The following TNNI3K variants were observed in gnomAD, a reference collection of about 807,000 sequenced individuals.
TNNI3K encodes the protein serine/threonine-protein kinase TNNI3K.
Under a neutral mutation model 114.5 loss-of-function variants are expected in TNNI3K, and 140 were observed. That is an observed-to-expected ratio of 1.22 (90% CI 1.07 to 1.41). The LOEUF (loss-of-function observed/expected upper bound fraction) is 1.41, where lower values mean the gene tolerates loss of function less well. Ranked by LOEUF, TNNI3K falls within the 40% of genes most tolerant of loss-of-function variation. The pLI is 0.00. For missense variants in TNNI3K, 1,125 were observed against 1,007.6 expected (o/e 1.12, Z -1.58); for synonymous variants, 347 against 347.5 (o/e 1.00, Z 0.02).
At chr1:74,414,715 A>G (rs536721534) in intron 17 of TNNI3K, among the ~76,000 whole-genome samples, 45 of 152,330 alleles carry the variant, frequency 3.0e-4, no homozygotes, top group African/African-American at 1.1e-3. Context: ...ACATCTAACC[A>G]TTCAGGAAAT....
chr1:74,400,439 T>A (rs1309220887), intron 17 of TNNI3K, among the ~76,000 whole-genome samples: 1 of 152,226 alleles, frequency 6.6e-6, no homozygotes, highest in Non-Finnish European at 1.5e-5. Flanking sequence ...TACTAGCTCT[T>A]AATGAGAGCA....
intron 10 of TNNI3K, 65 bp from the exon 11 acceptor site, chr1:74,353,915 T>G (rs1463839433): frequency 1.3e-6 from 2 of 1,547,788 alleles, no homozygotes; most frequent in Middle Eastern, 1.7e-4. Context: ...ATGACTGTCT[T>G]TTGAAAATTG....
At chr1:74,426,034 G>T (rs1179608357) in intron 17 of TNNI3K, among the ~76,000 whole-genome samples, 2 of 151,986 alleles carry the variant, frequency 1.3e-5, no homozygotes, top group African/African-American at 4.8e-5. Context: ...CATTTCTTGT[G>T]AATTTTCAAA....
At chr1:74,418,280 G>A in intron 17 of TNNI3K, 1 of 393,954 alleles carries the variant, frequency 2.5e-6, no homozygotes. Flanking sequence ...AGTTCCTAAC[G>A]AATGAAGTCA....
At chr1:74,257,514 G>A (rs1285272986) in intron 4 of TNNI3K, among the ~76,000 whole-genome samples, 1 of 152,054 alleles carries the variant, frequency 6.6e-6, no homozygotes, top group South Asian at 2.1e-4. Context: ...TTCCTTTAAA[G>A]AATGTTGAGT....
intron 5 of TNNI3K, among the ~76,000 whole-genome samples, chr1:74,324,405 C>G (rs547662034): frequency 2.0e-5 from 3 of 152,214 alleles, no homozygotes; most frequent in Non-Finnish European, 2.9e-5. Flanking sequence ...TAGTCATGAT[C>G]CTTTTTACAA....
intron 4 of TNNI3K, among the ~76,000 whole-genome samples, chr1:74,261,010 G>A (rs1655629425): frequency 1.3e-5 from 2 of 151,960 alleles, no homozygotes; most frequent in South Asian, 4.1e-4. Flanking sequence ...ATTTTGACAA[G>A]TTTATTACAA....
chr1:74,272,863 G>A (rs1459053038), intron 5 of TNNI3K, among the ~76,000 whole-genome samples: 1 of 151,778 alleles, frequency 6.6e-6, no homozygotes, highest in Non-Finnish European at 1.5e-5. Context: ...AAGCTATTGA[G>A]GAAAAGAGCC....
At chr1:74,491,977 G>A in intron 22 of TNNI3K, 120 bp from the exon 23 acceptor site, 1 of 1,344,238 alleles carries the variant, frequency 7.4e-7, no homozygotes, top group Non-Finnish European at 9.8e-7. Context: ...GGAGCAAGCT[G>A]AGTGAATAGA....
chr1:74,318,107 C>G (rs1659418133), intron 5 of TNNI3K, among the ~76,000 whole-genome samples: 1 of 152,182 alleles, frequency 6.6e-6, no homozygotes, highest in South Asian at 2.1e-4. Flanking sequence ...TTGTAGGGCT[C>G]ATCGAATTTG....
chr1:74,463,664 A>T, intron 21 of TNNI3K, 114 bp downstream of exon 21: 1 of 1,182,034 alleles, frequency 8.5e-7, no homozygotes, highest in South Asian at 1.4e-5. Flanking sequence ...AGGCGGGAAG[A>T]CTGATTTGCC....
At chr1:74,257,823 A>T (rs1029679387) in intron 4 of TNNI3K, among the ~76,000 whole-genome samples, 4 of 151,448 alleles carry the variant, frequency 2.6e-5, no homozygotes, top group Admixed American at 6.6e-5. Flanking sequence ...GCCCGCCACC[A>T]CGCCCGGCTA....
intron 17 of TNNI3K, among the ~76,000 whole-genome samples, chr1:74,378,344 G>A (rs1020576194): frequency 2.6e-5 from 4 of 151,524 alleles, no homozygotes; most frequent in East Asian, 3.9e-4. Flanking sequence ...CTGCTGTAAC[G>A]ATAGAGTCCA....
At chr1:74,493,770 G>A (rs765356837) in intron 23 of TNNI3K, among the ~76,000 whole-genome samples, 18 of 152,264 alleles carry the variant, frequency 1.2e-4, no homozygotes, top group Middle Eastern at 3.4e-3. Context: ...ACAGACAAAG[G>A]CTAGTAACTC....
In TNNI3K at chr1:74,316,713, G is replaced by A. The variant is rs539650317; in HGVS notation, c.445-14737G>A. Among the ~76,000 whole-genome samples, 12 of 150,238 alleles carry A rather than the reference G, an allele frequency of 8.0e-5. No individual in the cohort carries two copies. In the South Asian group the frequency reaches 1.1e-3, roughly 13 times the overall value. On this transcript the variant is annotated intron_variant, in intron 5 of 24. Coordinates refer to ENST00000326637, the MANE Select transcript of TNNI3K (RefSeq NM_015978.3). ...TTATTTATTTATTTATTTTTGAGAC[G>A]GAGTCTCTCTCTGTCGCCCAGGCTG... is the stretch of plus-strand genomic sequence containing the variant.
intron 9 of TNNI3K, among the ~76,000 whole-genome samples, chr1:74,344,595 G>A (rs1660903333): frequency 6.6e-6 from 1 of 152,120 alleles, no homozygotes; most frequent in South Asian, 2.1e-4. Flanking sequence ...ATATGTACTG[G>A]TTGCTGGTAT....
rs1224172949 is a variant in TNNI3K at position 74,544,018 on chromosome 1, C to A, written c.*36C>A. On this transcript the variant is annotated 3_prime_UTR_variant, in exon 25 of 25. Coordinates refer to ENST00000326637, the MANE Select transcript of TNNI3K (RefSeq NM_015978.3). ...CGTATACCTAAGGAGAGTTTTTTCC[C>A]CGAACTGACAGCAACGATTCCAACC... 5.6e-6 allele frequency: 9 copies of A among 1,594,768 alleles called. No individual in the cohort carries two copies. The highest frequency in any genetic ancestry group is 7.7e-6 in the Non-Finnish European group (9 of 1,171,744).
intron 9 of TNNI3K, among the ~76,000 whole-genome samples, chr1:74,352,077 C>G (rs1379055466): frequency 6.6e-6 from 1 of 152,096 alleles, no homozygotes; most frequent in East Asian, 1.9e-4. Flanking sequence ...TTCTGCTCTG[C>G]TTTTTCCCCA....
At chr1:74,321,154 G>A (rs1264712263) in intron 5 of TNNI3K, among the ~76,000 whole-genome samples, 1 of 152,164 alleles carries the variant, frequency 6.6e-6, no homozygotes, top group Non-Finnish European at 1.5e-5. Flanking sequence ...TTGAAAGCCT[G>A]TTTTCTCAGC....
Sources: allele counts gnomAD v4.1 joint callset (sites outside exome capture counted in the v4.1 genomes callset), GRCh38; gene constraint gnomAD v4.1.1; transcripts MANE v1.5; gene names NCBI Gene and HGNC (gene_info 2026-07-23, HGNC 2026-07-21).